MACROD2: variants seen among roughly 807,000 people sequenced by gnomAD.
MACROD2 encodes the protein ADP-ribose glycohydrolase MACROD2.
In MACROD2, 36 loss-of-function variants were observed where a neutral mutation model predicts 70.4. That is an observed-to-expected ratio of 0.51 (90% CI 0.39 to 0.68). The LOEUF (loss-of-function observed/expected upper bound fraction) is 0.68. Ranked by LOEUF, MACROD2 falls within the 30% of genes least tolerant of loss-of-function variation. MACROD2 has a pLI of 0.00. For missense variants in MACROD2, 496 were observed against 538.4 expected (o/e 0.92, Z 0.78); for synonymous variants, 172 against 178.8 (o/e 0.96, Z 0.30).
intron 5 of MACROD2, among the ~76,000 whole-genome samples, chr20:14,866,776 T>G (rs1485399992): frequency 6.6e-6 from 1 of 152,068 alleles, no homozygotes; most frequent in Non-Finnish European, 1.5e-5. Flanking sequence ...TGAATGTGGG[T>G]AGGAAGGCAT....
At chr20:14,413,685 A>G (rs1371693047) in intron 3 of MACROD2, among the ~76,000 whole-genome samples, 1 of 152,214 alleles carries the variant, frequency 6.6e-6, no homozygotes, top group African/African-American at 2.4e-5. Context: ...CTGGAACGAA[A>G]TTGCTACTTG....
intron 6 of MACROD2, among the ~76,000 whole-genome samples, chr20:15,424,928 C>G (rs2046278024): frequency 6.6e-6 from 1 of 152,176 alleles, no homozygotes; most frequent in African/African-American, 2.4e-5. Context: ...AACTGCCATC[C>G]CTTGACTTTC....
At chr20:14,932,571 G>C (rs1600843629) in intron 5 of MACROD2, among the ~76,000 whole-genome samples, 1 of 151,876 alleles carries the variant, frequency 6.6e-6, no homozygotes, top group South Asian at 2.1e-4. Context: ...TTTTTGTTTT[G>C]TTTTGTTTTT....
At chr20:15,296,980 G>A (rs2077595587) in intron 6 of MACROD2, among the ~76,000 whole-genome samples, 1 of 152,188 alleles carries the variant, frequency 6.6e-6, no homozygotes. Context: ...TCCCAGCGTA[G>A]TAAATTGTTT....
chr20:15,872,368 T>A (rs907772449), intron 9 of MACROD2, among the ~76,000 whole-genome samples: 2 of 152,160 alleles, frequency 1.3e-5, no homozygotes, highest in African/African-American at 2.4e-5. Context: ...GGTGGTGAAT[T>A]CCTGAGAAAG....
At chr20:14,247,678 C>T (rs990594834) in intron 3 of MACROD2, among the ~76,000 whole-genome samples, 1 of 152,078 alleles carries the variant, frequency 6.6e-6, no homozygotes, top group Non-Finnish European at 1.5e-5. Context: ...AGAAGAAGTG[C>T]CTATAAGTGA....
At chr20:14,654,224 A>AT (rs1473993930) in intron 4 of MACROD2, among the ~76,000 whole-genome samples, 1 of 151,170 alleles carries the variant, frequency 6.6e-6, no homozygotes, top group Non-Finnish European at 1.5e-5. Flanking sequence ...AGTTACAGTT[A>AT]TTTTTCATTT....
intron 8 of MACROD2, among the ~76,000 whole-genome samples, chr20:15,836,919 T>C (rs533131518): frequency 5.6e-4 from 86 of 152,326 alleles, no homozygotes; most frequent in African/African-American, 2.0e-3. Flanking sequence ...GCCTATAAGG[T>C]TTGCCTTGCT....
intron 2 of MACROD2, among the ~76,000 whole-genome samples, chr20:14,041,945 C>CATCA (rs1262692864): frequency 1.3e-5 from 2 of 152,126 alleles, no homozygotes; most frequent in East Asian, 3.9e-4. Context: ...TTTCACCAGC[C>CATCA]ATCAGTACAG....
intron 6 of MACROD2, among the ~76,000 whole-genome samples, chr20:15,302,724 C>T (rs532033093): frequency 3.3e-5 from 5 of 152,224 alleles, no homozygotes; most frequent in African/African-American, 1.2e-4. Context: ...TAGATGTTGC[C>T]AGATGGCCTT....
rs556503057 is a variant in MACROD2 at position 15,358,878 on chromosome 20, A to G, written c.541-72527A>G. Among the ~76,000 whole-genome samples the G allele has an allele frequency of 4.5e-4, 69 of 152,006 alleles. 2 individuals are homozygous for G. In the South Asian group the frequency reaches 0.013, roughly 29 times the overall value. ...CACCCTCATTATTTAATCTAACCCT[A>G]ATTACCTCCCGAAGGCCCCACCTCC... On this transcript the variant is annotated intron_variant, in intron 6 of 17. Transcript: ENST00000684519.
intron 2 of MACROD2, among the ~76,000 whole-genome samples, chr20:14,043,681 TG>T (rs1199286197): frequency 6.6e-6 from 1 of 152,204 alleles, no homozygotes; most frequent in African/African-American, 2.4e-5. Flanking sequence ...GAACCTCTTC[TG>T]AAATGGGTGT....
chr20:14,038,483 T>G (rs1340504528), intron 2 of MACROD2, among the ~76,000 whole-genome samples: 1 of 152,228 alleles, frequency 6.6e-6, no homozygotes, highest in East Asian at 1.9e-4. Flanking sequence ...AACGTCATAC[T>G]GCTGTTGAGT....
chr20:15,608,543 AC>A (rs936810931), intron 8 of MACROD2, among the ~76,000 whole-genome samples: 10 of 152,108 alleles, frequency 6.6e-5, no homozygotes, highest in African/African-American at 2.4e-4. Context: ...GACAAGCCCA[AC>A]CCAGATCAAC....
chr20:14,195,045 G>A (rs1164787692), intron 3 of MACROD2, among the ~76,000 whole-genome samples: 3 of 152,068 alleles, frequency 2.0e-5, no homozygotes, highest in Admixed American at 1.3e-4. Context: ...TACTTTGTGG[G>A]ATTGAGCCTA....
chr20:14,637,300 T>C (rs977427451), intron 4 of MACROD2, among the ~76,000 whole-genome samples: 1 of 152,334 alleles, frequency 6.6e-6, no homozygotes, highest in East Asian at 1.9e-4. Context: ...TCCACTCTAA[T>C]GACGGATATT....
chr20:14,442,595 T>C (rs1232734011), intron 3 of MACROD2, among the ~76,000 whole-genome samples: 1 of 152,100 alleles, frequency 6.6e-6, no homozygotes, highest in African/African-American at 2.4e-5. Context: ...GAAATGGGAA[T>C]TAATAATGAA....
chr20:14,168,145 CA>C (rs1481475711), intron 3 of MACROD2, among the ~76,000 whole-genome samples: 10 of 152,012 alleles, frequency 6.6e-5, no homozygotes, highest in African/African-American at 2.4e-4. Flanking sequence ...TAAACATTTT[CA>C]AAAAGGAGTA....
intron 3 of MACROD2, among the ~76,000 whole-genome samples, chr20:14,255,014 C>T (rs1421358939): frequency 6.6e-6 from 1 of 152,004 alleles, no homozygotes; most frequent in African/African-American, 2.4e-5. Context: ...CTTAGTTTGG[C>T]TGGATATGAA....
Sources: gnomAD v4.1 joint callset for allele counts (sites outside exome capture counted in the v4.1 genomes callset) on GRCh38, gnomAD v4.1.1 for gene constraint, MANE v1.5 for transcripts, NCBI Gene and HGNC (gene_info 2026-07-23, HGNC 2026-07-21) for gene names.